Variants in INPP4B observed in about 807,000 individuals in gnomAD.
INPP4B encodes the protein inositol polyphosphate 4-phosphatase type II.
INPP4B carries 55 observed loss-of-function variants against 122.5 expected under a neutral mutation model. The ratio of observed to expected loss-of-function variants is 0.45; its 90% CI spans 0.36 to 0.56. INPP4B has a LOEUF of 0.56. INPP4B is among the 20% of genes least tolerant of loss of function. The pLI is 0.00. For synonymous variants in INPP4B, 403 were observed against 388.7 expected, an observed-to-expected ratio of 1.04 and a Z score of -0.43; for missense variants, 1,000 against 1,097.7, an observed-to-expected ratio of 0.91 and a Z score of 1.26.
intron 2 of INPP4B, among the ~76,000 whole-genome samples, chr4:142,537,740 A>AGTGT (rs72363974): frequency 0.053 from 7,778 of 146,800 alleles, 226 homozygotes; most frequent in Non-Finnish European, 0.071. Flanking sequence ...TGTGTATATG[A>AGTGT]GTGTGTGTGT....
At chr4:142,620,485 A>G (rs1744658130) in intron 2 of INPP4B, among the ~76,000 whole-genome samples, 1 of 151,928 alleles carries the variant, frequency 6.6e-6, no homozygotes, top group Non-Finnish European at 1.5e-5. Context: ...AGGAAATAAT[A>G]GACACTCGTG....
chr4:142,328,614 C>G (rs980424582), intron 7 of INPP4B, among the ~76,000 whole-genome samples: 7 of 152,158 alleles, frequency 4.6e-5, no homozygotes, highest in African/African-American at 1.4e-4. Flanking sequence ...AAATATAAAA[C>G]AGTGTCACTG....
intron 25 of INPP4B, among the ~76,000 whole-genome samples, chr4:142,039,618 AAGAG>A (rs33927445): frequency 0.1 from 15,662 of 151,978 alleles, 1,464 homozygotes; most frequent in African/African-American, 0.25. Flanking sequence ...GGAAAAATGA[AAGAG>A]AGACATAATG....
At chr4:142,161,648 A>C (rs1177603976) in intron 16 of INPP4B, among the ~76,000 whole-genome samples, 1 of 151,936 alleles carries the variant, frequency 6.6e-6, no homozygotes, top group Non-Finnish European at 1.5e-5. Flanking sequence ...GTAGTCACTA[A>C]ATTATTTAGA....
intron 1 of INPP4B, among the ~76,000 whole-genome samples, chr4:142,729,644 G>A (rs1371075800): frequency 6.6e-6 from 1 of 151,270 alleles, no homozygotes; most frequent in Non-Finnish European, 1.5e-5. Context: ...GCTTTTCCTG[G>A]TTCTTCAGTA....
At chr4:142,692,439 G>A (rs1368605972) in intron 2 of INPP4B, among the ~76,000 whole-genome samples, 1 of 152,184 alleles carries the variant, frequency 6.6e-6, no homozygotes, top group African/African-American at 2.4e-5. Context: ...GGTGGCTCAT[G>A]CCTGTAACCC....
At chr4:142,448,271 T>G (rs1661689983) in intron 3 of INPP4B, among the ~76,000 whole-genome samples, 1 of 149,450 alleles carries the variant, frequency 6.7e-6, no homozygotes, top group African/African-American at 2.5e-5. Flanking sequence ...CTTGTTTTGG[T>G]TTCCAAACAG....
chr4:142,074,528 A>G (rs373213819), intron 25 of INPP4B, among the ~76,000 whole-genome samples: 1 of 152,072 alleles, frequency 6.6e-6, no homozygotes, highest in Non-Finnish European at 1.5e-5. Flanking sequence ...CAAATGCCTT[A>G]CCACCCATTA....
intron 2 of INPP4B, among the ~76,000 whole-genome samples, chr4:142,556,994 G>C (rs1014635394): frequency 5.9e-5 from 9 of 152,056 alleles, no homozygotes; most frequent in African/African-American, 2.2e-4. Flanking sequence ...CCTCAAAGCT[G>C]CCCTGTCGTG....
chr4:142,315,923 C>T (rs540820750), intron 7 of INPP4B, among the ~76,000 whole-genome samples: 260 of 151,932 alleles, frequency 1.7e-3, no homozygotes, highest in Non-Finnish European at 2.3e-3. Context: ...TCTTGACATA[C>T]CTGACCATAC....
chr4:142,588,519 T>C (rs1045251874), intron 2 of INPP4B, among the ~76,000 whole-genome samples: 1 of 151,228 alleles, frequency 6.6e-6, no homozygotes, highest in Non-Finnish European at 1.5e-5. Context: ...ACATTAGCAA[T>C]GAACAACTTG....
intron 21 of INPP4B, among the ~76,000 whole-genome samples, chr4:142,116,767 C>G (rs956603447): frequency 3.9e-5 from 6 of 151,918 alleles, no homozygotes; most frequent in African/African-American, 1.2e-4. Context: ...GAAGCAAGAG[C>G]AAACACATTC....
intron 2 of INPP4B, among the ~76,000 whole-genome samples, chr4:142,699,459 G>A (rs1264559036): frequency 6.6e-6 from 1 of 152,146 alleles, no homozygotes; most frequent in East Asian, 1.9e-4. Flanking sequence ...TAATCACAGA[G>A]CTTGGTAAAT....
chr4:142,405,432 C>T (rs901889410), intron 5 of INPP4B, 108 bp from the exon 6 acceptor site: 8 of 690,504 alleles, frequency 1.2e-5, no homozygotes, highest in South Asian at 1.1e-4. Flanking sequence ...AAGGAAATCT[C>T]CTGGGGCTCA....
At chr4:142,652,299 G>A (rs1342774569) in intron 2 of INPP4B, among the ~76,000 whole-genome samples, 1 of 152,138 alleles carries the variant, frequency 6.6e-6, no homozygotes, top group Non-Finnish European at 1.5e-5. Context: ...CATTCCCTTT[G>A]AAAACCAGCA....
At chr4:142,211,278 TTAAAG>T (rs1474087575) in intron 12 of INPP4B, among the ~76,000 whole-genome samples, 2 of 152,182 alleles carry the variant, frequency 1.3e-5, no homozygotes, top group African/African-American at 4.8e-5. Context: ...ATTAATTTCA[TTAAAG>T]TAAAGAAGAG....
At chr4:142,565,118 G>A (rs1731351300) in intron 2 of INPP4B, among the ~76,000 whole-genome samples, 2 of 152,192 alleles carry the variant, frequency 1.3e-5, no homozygotes, top group Middle Eastern at 6.8e-3. Flanking sequence ...GTACTGGCCA[G>A]GTATTCTGGA....
At chr4:142,623,996 CTT>C (rs950459902) in intron 2 of INPP4B, among the ~76,000 whole-genome samples, 3 of 152,104 alleles carry the variant, frequency 2.0e-5, no homozygotes, top group African/African-American at 7.2e-5. Flanking sequence ...GGTTCCAAGT[CTT>C]TGCTATCGTG....
chr4:142,289,321 TAACTC>T (rs1456591771), intron 9 of INPP4B, among the ~76,000 whole-genome samples: 4 of 152,224 alleles, frequency 2.6e-5, no homozygotes, highest in African/African-American at 4.8e-5. Flanking sequence ...CTTACAAACT[TAACTC>T]ATCTAAACTC....
Sources: gnomAD v4.1 joint callset for allele counts (sites outside exome capture counted in the v4.1 genomes callset) on GRCh38, gnomAD v4.1.1 for gene constraint, MANE v1.5 for transcripts, NCBI Gene and HGNC (gene_info 2026-07-23, HGNC 2026-07-21) for gene names.